The following DNAI3 variants were observed in gnomAD, a reference collection of about 807,000 sequenced individuals.
DNAI3 encodes the protein dynein axonemal intermediate chain 3, also known as WD repeat domain 63.
DNAI3 carries 83 observed loss-of-function variants against 115.5 expected under a neutral mutation model. The observed-to-expected ratio is 0.72, with a 90% CI of 0.60 to 0.86. DNAI3 has a LOEUF of 0.86. Ranked by LOEUF, DNAI3 falls within the 40% of genes least tolerant of loss-of-function variation. The probability of loss-of-function intolerance (pLI) is 0.00; values close to 1 mark genes in which losing one functional copy is unlikely to be tolerated. For missense variants in DNAI3, 1,004 were observed against 1,075.8 expected (o/e 0.93, Z 0.93); for synonymous variants, 320 against 347.0 (o/e 0.92, Z 0.86).
In DNAI3 at chr1:85,119,752, T is replaced by C. The variant is rs543280994; in HGVS notation, c.1917+1893T>C. On this transcript the variant is annotated intron_variant, in intron 17 of 22. Coordinates refer to ENST00000294664, the MANE Select transcript of DNAI3 (RefSeq NM_145172.5). ...TCATTCTGTCACCCAGGCTGGAGTG[T>C]AGTGGCACGATCTCGGCTTATTGCA... 5.3e-4 allele frequency among the ~76,000 whole-genome samples: 80 copies of C among 152,078 alleles called. 1 individual carries two copies. The highest frequency in any genetic ancestry group is 7.7e-4 in the Non-Finnish European group (52 of 67,944).
At chr1:85,113,109 T>C (rs1000080404) in intron 16 of DNAI3, among the ~76,000 whole-genome samples, 1 of 152,218 alleles carries the variant, frequency 6.6e-6, no homozygotes, top group Non-Finnish European at 1.5e-5. Flanking sequence ...GTTCTTAATA[T>C]ATCTTATATA....
intron 20 of DNAI3, among the ~76,000 whole-genome samples, chr1:85,128,481 G>A (rs1380846000): frequency 1.3e-5 from 2 of 152,096 alleles, no homozygotes; most frequent in Non-Finnish European, 2.9e-5. Flanking sequence ...GAGGCAGCAG[G>A]GGAACCGACA....
At chr1:85,128,945 G>C in intron 21 of DNAI3, 146 bp downstream of exon 21, 1 of 713,706 alleles carries the variant, frequency 1.4e-6, no homozygotes, top group Non-Finnish European at 2.3e-6. Context: ...TATTTCTGTT[G>C]TATGAGTTAA....
At chr1:85,090,280 TG>T (rs1654933874) in intron 8 of DNAI3, 48 bp downstream of exon 8, 4 of 1,105,788 alleles carry the variant, frequency 3.6e-6, no homozygotes, top group South Asian at 1.9e-5. Flanking sequence ...AAAATGTATA[TG>T]TTTACATAGA....
chr1:85,103,389 G>A (rs1655385834), intron 13 of DNAI3, among the ~76,000 whole-genome samples: 1 of 152,012 alleles, frequency 6.6e-6, no homozygotes, highest in African/African-American at 2.4e-5. Context: ...AAAAAGGTCA[G>A]GTCTTACAAC....
chr1:85,073,117 T>A, intron 3 of DNAI3, 25 bp downstream of exon 3: 1 of 1,501,296 alleles, frequency 6.7e-7, no homozygotes, highest in Non-Finnish European at 9.0e-7. Flanking sequence ...AATTTACAAC[T>A]TACATCCTCA....
chr1:85,096,016 G>C lies in DNAI3; in HGVS notation c.1259G>C (p.Gly420Ala), dbSNP rs780056925. The C allele has an allele frequency of 1.2e-6, 2 of 1,613,496 alleles. No homozygotes were observed. The highest frequency in any genetic ancestry group is 3.3e-5 in the Admixed American group (2 of 59,972). The stretch of plus-strand genomic sequence containing the variant: ...ATCATTGCTGGAGGCTGTATCAATG[G>C]GCAGGTACTTAACAGAATTTTTTTC... The part of the protein sequence containing the change: ...PNIIAGGCIN[G>A]QIVMWDITAH... Residue 420 changes from glycine (G) to alanine (A), a missense_variant, in exon 11 of 23, where the codon GGG becomes GCG. Physicochemically the swap from Gly to Ala is moderately conservative, Grantham distance 60. Around this residue, in one of 3 missense-constraint regions of DNAI3, gnomAD observed 550 missense variants for 568.1 expected, o/e 0.97. Coordinates refer to ENST00000294664, the MANE Select transcript of DNAI3 (RefSeq NM_145172.5).
At position 85,128,800 on chromosome 1, in the gene DNAI3, G is replaced by T. The variant is rs1360025205; in HGVS notation, c.2409+1G>T. 1.9e-6 allele frequency: 3 copies of T among 1,608,998 alleles called. No individual in the cohort carries two copies. The highest frequency in any genetic ancestry group is 2.5e-6 in the Non-Finnish European group (3 of 1,176,772). ...ATTAAGTCGCCCTTCCACCAATGAG[G>T]TTAGTAACTAACTTATGACTTTGAG... On this transcript the variant is annotated splice_donor_variant, in intron 21 of 22. Coordinates refer to ENST00000294664, the MANE Select transcript of DNAI3 (RefSeq NM_145172.5). LOFTEE classifies it high-confidence loss of function.
At chr1:85,077,696 G>C (rs1383472348) in intron 3 of DNAI3, among the ~76,000 whole-genome samples, 3 of 152,128 alleles carry the variant, frequency 2.0e-5, no homozygotes, top group Non-Finnish European at 2.9e-5. Context: ...TGTATTGGAA[G>C]GCAGGGGCAG....
chr1:85,070,419 G>C (rs952619017), intron 1 of DNAI3, among the ~76,000 whole-genome samples: 3 of 152,076 alleles, frequency 2.0e-5, no homozygotes, highest in Non-Finnish European at 2.9e-5. Context: ...GGCTGCTTGG[G>C]CTCACAGCCT....
intron 16 of DNAI3, 26 bp downstream of exon 16, chr1:85,110,161 A>G: frequency 6.2e-7 from 1 of 1,604,144 alleles, no homozygotes; most frequent in East Asian, 2.2e-5. Flanking sequence ...TATTTAAAAA[A>G]AAAAAAAAGG....
At position 85,097,661 on chromosome 1, in the gene DNAI3, C is replaced by G. The variant is rs192462237; in HGVS notation, c.1350+6C>G. The G allele has an allele frequency of 6.2e-7, 1 of 1,603,888 alleles. No individual in the cohort carries two copies. Among genetic ancestry groups the G allele is most frequent in the Non-Finnish European group, 8.5e-7 (1 of 1,175,910 alleles). ...GTAAAAGAGCCACACTGAAGGTAAG[C>G]TTTTTACAACATTTCACTTGCAAGT... On this transcript the variant is annotated splice_donor_region_variant and intron_variant, in intron 12 of 22. Coordinates refer to ENST00000294664, the MANE Select transcript of DNAI3 (RefSeq NM_145172.5).
intron 16 of DNAI3, among the ~76,000 whole-genome samples, chr1:85,112,707 C>T (rs1438567164): frequency 6.6e-6 from 1 of 152,184 alleles, no homozygotes; most frequent in African/African-American, 2.4e-5. Context: ...TTTTTGCCAC[C>T]TGTATATCTT....
chr1:85,073,169 C>CTACA, intron 3 of DNAI3, 77 bp downstream of exon 3: 1 of 1,068,440 alleles, frequency 9.4e-7, no homozygotes, highest in Non-Finnish European at 1.3e-6. Flanking sequence ...AGCAGGAATA[C>CTACA]TACAAACTGA....
chr1:85,122,553 G>T (rs553282359), intron 18 of DNAI3, among the ~76,000 whole-genome samples: 19 of 152,282 alleles, frequency 1.2e-4, no homozygotes, highest in African/African-American at 4.6e-4. Flanking sequence ...TTCACAGTTT[G>T]GGATAACCAT....
intron 22 of DNAI3, among the ~76,000 whole-genome samples, chr1:85,132,312 G>T (rs1166538387): frequency 6.6e-6 from 1 of 152,254 alleles, no homozygotes; most frequent in Admixed American, 6.5e-5. Context: ...AGGCTGTACA[G>T]TTCAACACAG....
In DNAI3 at chr1:85,092,363, C is replaced by T. The variant is rs186895703; in HGVS notation, c.858-1095C>T. ...TATATTTTAGGAGTATCTGTTTTTACTGTTTATATTGAACTATCTAAAGGA... is the reference window on the plus strand; with the variant it reads ...TATATTTTAGGAGTATCTGTTTTTATTGTTTATATTGAACTATCTAAAGGA... On this transcript the variant is annotated intron_variant, in intron 8 of 22. Coordinates refer to ENST00000294664, the MANE Select transcript of DNAI3 (RefSeq NM_145172.5). 2.7e-3 allele frequency among the ~76,000 whole-genome samples: 413 copies of T among 152,260 alleles called. 1 individual carries two copies. The highest frequency in any genetic ancestry group is 5.2e-3 in the Admixed American group (80 of 15,286).
At chr1:85,094,622 G>A in intron 10 of DNAI3, 67 bp downstream of exon 10, 1 of 1,561,906 alleles carries the variant, frequency 6.4e-7, no homozygotes, top group Non-Finnish European at 8.7e-7. Flanking sequence ...ACCTTTAGCA[G>A]TTTTTATTGC....
intron 7 of DNAI3, among the ~76,000 whole-genome samples, chr1:85,089,778 A>G (rs578227229): frequency 3.6e-4 from 55 of 152,170 alleles, no homozygotes; most frequent in Non-Finnish European, 6.9e-4. Context: ...AGAAAACAAT[A>G]AAGATGGCAA....
Sources: gnomAD v4.1 joint callset for allele counts (sites outside exome capture counted in the v4.1 genomes callset) on GRCh38, gnomAD v4.1.1 for gene constraint, gnomAD v4.1.1 regional missense constraint, MANE v1.5 for transcripts, NCBI Gene and HGNC (gene_info 2026-07-23, HGNC 2026-07-21) for gene names.